CXXC4: variants seen among roughly 807,000 people sequenced by gnomAD.
CXXC4 encodes the protein CXXC finger protein 4.
Under a neutral mutation model 20.5 loss-of-function variants are expected in CXXC4, and 5 were observed. That is an observed-to-expected ratio of 0.24 (90% confidence interval 0.13 to 0.51). CXXC4 has a LOEUF of 0.51. CXXC4 is among the 20% of genes least tolerant of loss of function. CXXC4 has a pLI of 0.97. For synonymous variants in CXXC4, 250 were observed against 216.4 expected, an observed-to-expected ratio of 1.16 and a Z score of -1.36; for missense variants, 419 against 496.4, an observed-to-expected ratio of 0.84 and a Z score of 1.48.
At chr4:104,479,721 C>T (rs1736504779) in intron 2 of CXXC4, among the ~76,000 whole-genome samples, 1 of 150,826 alleles carries the variant, frequency 6.6e-6, no homozygotes, top group Admixed American at 6.6e-5. Flanking sequence ...TTTGTTGTCC[C>T]TCCCTCTCTC....
chr4:104,472,314 C>T lies in CXXC4; in HGVS notation c.*8G>A. 1 of 1,593,388 alleles carries T rather than the reference C, an allele frequency of 6.3e-7. No individual in the cohort carries two copies. The highest frequency in any genetic ancestry group is 8.6e-7 in the Non-Finnish European group (1 of 1,166,270). On this transcript the variant is annotated 3_prime_UTR_variant, in exon 3 of 3. Transcript: ENST00000394767. Reference sequence around the variant, plus strand: ...CCAAATGCCTTGAAAATAAGATATACTACTGCTTTAAAAGAACCATCGGAA... The same window carrying T: ...CCAAATGCCTTGAAAATAAGATATATTACTGCTTTAAAAGAACCATCGGAA...
chr4:104,472,887 A>T (rs1175226782), intron 2 of CXXC4, among the ~76,000 whole-genome samples: 2 of 151,918 alleles, frequency 1.3e-5, no homozygotes, highest in Non-Finnish European at 2.9e-5. Flanking sequence ...GTATTTCTAA[A>T]GATACAATCA....
At chr4:104,479,832 T>G (rs956763970) in intron 2 of CXXC4, among the ~76,000 whole-genome samples, 2 of 131,010 alleles carry the variant, frequency 1.5e-5, no homozygotes, top group African/African-American at 5.7e-5. Flanking sequence ...CCTCCCTCCC[T>G]CTCTCCCTTT....
At chr4:104,476,444 A>G (rs184845761) in intron 2 of CXXC4, among the ~76,000 whole-genome samples, 3 of 152,256 alleles carry the variant, frequency 2.0e-5, no homozygotes, top group Admixed American at 2.0e-4. Flanking sequence ...GGCATCTCTA[A>G]CTCTGTACAT....
rs1295655435 is a variant in CXXC4, at chr4:104,491,758, G to T, written c.45C>A (p.Ala15=). The change falls in exon 2 of 3, where the codon GCC becomes GCA. Residue 15 remains alanine, a synonymous_variant. Coordinates refer to ENST00000394767, the MANE Select transcript of CXXC4 (RefSeq NM_025212.4). ...AGTGGCTTTCCTTGGGCAAGCCCGG[G>T]GCCTCCGGGCTCGGCCCGGGCTCCA... The part of the protein sequence containing the change: ...VCVEPGPSPE[A]PGLPKESHLP... 6.5e-6 allele frequency: 10 copies of T among 1,534,156 alleles called. 1 individual carries two copies. In the South Asian group the frequency reaches 1.2e-4, roughly 19 times the overall value.
chr4:104,489,179 C>A (rs1736771017), intron 2 of CXXC4, among the ~76,000 whole-genome samples: 1 of 152,042 alleles, frequency 6.6e-6, no homozygotes, highest in South Asian at 2.1e-4. Flanking sequence ...AATAAACCAT[C>A]CAGGAGTAAA....
chr4:104,485,675 C>T (rs1353312152), intron 2 of CXXC4, among the ~76,000 whole-genome samples: 2 of 152,034 alleles, frequency 1.3e-5, no homozygotes, highest in African/African-American at 2.4e-5. Flanking sequence ...TCAGAATATT[C>T]CAACAATGTT....
At position 104,471,432 on chromosome 4, in the gene CXXC4, C is replaced by T. The variant is rs1258555648; in HGVS notation, c.*890G>A. The T allele has an allele frequency of 6.6e-6, 1 of 151,942 alleles. No individual in the cohort carries two copies. Among genetic ancestry groups the T allele is most frequent in the Non-Finnish European group, 1.5e-5 (1 of 67,950 alleles). 9.4% of individuals were successfully genotyped at this position (151,942 alleles called of 1,614,324 possible). A position where few individuals can be genotyped will look rare whatever the true frequency, so the allele number is the denominator to read the frequency against. On this transcript the variant is annotated 3_prime_UTR_variant, in exon 3 of 3. Transcript: ENST00000394767. ...ATACTTTATTCTTTAGCCTAAAAAA[C>T]ACCGTTTTTATAAAAAAAAATTATA...
intron 1 of CXXC4, among the ~76,000 whole-genome samples, chr4:104,493,238 C>G (rs528672783): frequency 6.6e-6 from 1 of 152,206 alleles, no homozygotes. Flanking sequence ...ACATCACAGC[C>G]TTTTAAGAAG....
At chr4:104,476,435 G>A (rs1332772535) in intron 2 of CXXC4, among the ~76,000 whole-genome samples, 3 of 152,042 alleles carry the variant, frequency 2.0e-5, no homozygotes, top group Non-Finnish European at 2.9e-5. Context: ...TGAAAATGGG[G>A]CATCTCTAAC....
In CXXC4 at chr4:104,491,416, C is replaced by T. The variant is rs112686895; in HGVS notation, c.387G>A (p.Gly129=). 2.0e-6 allele frequency: 2 copies of T among 1,024,622 alleles called. No homozygotes were observed. Among genetic ancestry groups the T allele is most frequent in the Admixed American group, 9.2e-5 (2 of 21,766 alleles). 63.5% of individuals were successfully genotyped at this position (1,024,622 alleles called of 1,614,324 possible). ...AGGATTTCCTGCCGCCCCCACCACC[C>T]CCGCCCCCGCCTCCGCCGCCGCCGC... ...GGGGGGGGGG[G]GGGGGRKSSS... The change falls in exon 2 of 3, where the codon GGG becomes GGA. Residue 129 remains glycine (G), a synonymous_variant. Coordinates refer to ENST00000394767, the MANE Select transcript of CXXC4 (RefSeq NM_025212.4).
chr4:104,475,413 C>CA (rs1003342891), intron 2 of CXXC4, among the ~76,000 whole-genome samples: 6 of 152,116 alleles, frequency 3.9e-5, no homozygotes, highest in Admixed American at 3.9e-4. Flanking sequence ...GTAGCCTACC[C>CA]AAAATAGATG....
At chr4:104,473,047 T>G (rs1736316686) in intron 2 of CXXC4, among the ~76,000 whole-genome samples, 1 of 151,782 alleles carries the variant, frequency 6.6e-6, no homozygotes, top group South Asian at 2.1e-4. Context: ...GTTTTATGTA[T>G]AGAAATCACA....
rs1736307432 is a variant in CXXC4 at position 104,472,757 on chromosome 4, C to T, written c.1060-391G>A. On this transcript the variant is annotated intron_variant, in intron 2 of 2. Transcript: ENST00000394767. ...CATCATTTTGAGTGGATCATCTTAC[C>T]GTCAGGATAACATACACACAGAAGG... Among the ~76,000 whole-genome samples the T allele has an allele frequency of 4.6e-5, 7 of 151,976 alleles. No homozygotes were observed. The South Asian group carries it at 1.2e-3, about 27-fold the overall frequency.
intron 2 of CXXC4, among the ~76,000 whole-genome samples, chr4:104,488,421 A>ATTGTCTTT (rs1365434518): frequency 2.0e-5 from 3 of 152,180 alleles, no homozygotes; most frequent in Non-Finnish European, 4.4e-5. Flanking sequence ...TCATGATGGC[A>ATTGTCTTT]TTGTCTTTTT....
Position 104,490,724 on chromosome 4 carries a change from A to C in CXXC4, c.1059+20T>G, listed in dbSNP as rs888572765. On this transcript the variant is annotated intron_variant, in intron 2 of 2. Transcript: ENST00000394767. ...GAGGGAAGGGGGGAGACTGGGAAAC[A>C]AGAAATCATCTCCTCTGACCTCTAG... 3 of 1,584,932 alleles carry C rather than the reference A, an allele frequency of 1.9e-6. No homozygotes were observed. Among genetic ancestry groups the C allele is most frequent in the Non-Finnish European group, 2.6e-6 (3 of 1,163,312 alleles).
chr4:104,472,517 G>T (rs1184831557), intron 2 of CXXC4, 151 bp from the exon 3 acceptor site: 4 of 503,834 alleles, frequency 7.9e-6, no homozygotes, highest in Middle Eastern at 5.1e-4. Flanking sequence ...AAGAAGAAAT[G>T]CTCAATCTTA....
At chr4:104,474,233 A>T (rs1398517453) in intron 2 of CXXC4, among the ~76,000 whole-genome samples, 2 of 152,016 alleles carry the variant, frequency 1.3e-5, no homozygotes, top group Admixed American at 6.6e-5. Context: ...TTAACCTGTT[A>T]TAAGATGGTT....
chr4:104,471,245 C>G lies in CXXC4; in HGVS notation c.*1077G>C, dbSNP rs1736265770. ...CAACATATTCAAGTGTTAAAACTAC[C>G]CATTTAATATCATACATGAAGTTAA... On this transcript the variant is annotated 3_prime_UTR_variant, in exon 3 of 3. Transcript: ENST00000394767. 6.6e-6 allele frequency: 1 copy of G among 151,938 alleles called. No individual in the cohort carries two copies. The allele number at this position is 151,938 out of a possible 1,614,324, so 9.4% of individuals were successfully genotyped here.
Sources: allele counts gnomAD v4.1 joint callset (sites outside exome capture counted in the v4.1 genomes callset), GRCh38; gene constraint gnomAD v4.1.1; transcripts MANE v1.5; gene names NCBI Gene and HGNC (gene_info 2026-07-23, HGNC 2026-07-21).